HSD17B13: variants seen among roughly 807,000 people sequenced by gnomAD.
The protein encoded by HSD17B13 is hydroxysteroid 17-beta dehydrogenase 13.
Under a neutral mutation model 31.1 loss-of-function variants are expected in HSD17B13, and 26 were observed. That is an observed-to-expected ratio of 0.84 (90% CI 0.61 to 1.16). The LOEUF is 1.16. Ranked by LOEUF, HSD17B13 falls within the 50% of genes most tolerant of loss-of-function variation. The pLI is 0.00. For missense variants in HSD17B13, 374 were observed against 366.5 expected (o/e 1.02, Z -0.17); for synonymous variants, 141 against 133.7 (o/e 1.05, Z -0.38).
chr4:87,318,877 C>T (rs531470256), intron 1 of HSD17B13, among the ~76,000 whole-genome samples: 1 of 149,414 alleles, frequency 6.7e-6, no homozygotes, highest in Non-Finnish European at 1.5e-5. Flanking sequence ...GATTAGTTAA[C>T]CTTTTAAAAA....
Position 87,317,208 on chromosome 4 carries a change from C to G in HSD17B13, c.334G>C (p.Gly112Arg). ...TTATTCACCACGATTGTTACATCAC[C>G]CACTTCTTTCTTCACCTTTTGAAAT... ...RSLNQVKKEV[G>R]DVTIVVNNAG... The change falls in exon 3 of 7, where the codon GGT becomes CGT. Residue 112 changes from glycine to arginine, a missense_variant. Transcript: ENST00000328546. 1 of 1,614,036 alleles carries G rather than the reference C, an allele frequency of 6.2e-7. No individual in the cohort carries two copies. Among genetic ancestry groups the G allele is most frequent in the Non-Finnish European group, 8.5e-7 (1 of 1,179,946 alleles).
At chr4:87,309,255 G>A (rs938882869) in intron 6 of HSD17B13, among the ~76,000 whole-genome samples, 1 of 151,204 alleles carries the variant, frequency 6.6e-6, no homozygotes, top group Non-Finnish European at 1.5e-5. Context: ...GAGGGGGCAG[G>A]TGCCTGTAAT....
At chr4:87,310,413 T>C in intron 5 of HSD17B13, 54 bp from the exon 6 acceptor site, 1 of 1,282,610 alleles carries the variant, frequency 7.8e-7, no homozygotes, top group Non-Finnish European at 1.0e-6. Context: ...TTTAATTTTA[T>C]AAGTAAATGA....
At chr4:87,312,080 T>C (rs1340200807) in intron 5 of HSD17B13, among the ~76,000 whole-genome samples, 1 of 152,104 alleles carries the variant, frequency 6.6e-6, no homozygotes, top group Non-Finnish European at 1.5e-5. Context: ...CCATTATCCT[T>C]ACTCCCCTCA....
At chr4:87,309,813 A>G (rs749934976) in intron 6 of HSD17B13, among the ~76,000 whole-genome samples, 22 of 152,176 alleles carry the variant, frequency 1.4e-4, no homozygotes, top group Non-Finnish European at 2.4e-4. Context: ...TGTTCTCCCC[A>G]GGGATGGAGA....
chr4:87,317,530 T>C (rs566327090), intron 2 of HSD17B13, among the ~76,000 whole-genome samples: 280 of 150,594 alleles, frequency 1.9e-3, no homozygotes, highest in African/African-American at 6.5e-3. Context: ...ATTTTTAAAG[T>C]GTTCATTTTT....
At chr4:87,318,564 C>T in intron 1 of HSD17B13, 128 bp from the exon 2 acceptor site, 2 of 680,604 alleles carry the variant, frequency 2.9e-6, no homozygotes, top group Non-Finnish European at 5.2e-6. Flanking sequence ...CTTTGGTTGG[C>T]CGAGGAGGGC....
intron 6 of HSD17B13, among the ~76,000 whole-genome samples, chr4:87,309,846 C>A (rs6531973): frequency 0.18 from 27,669 of 152,024 alleles, 2,689 homozygotes; most frequent in Non-Finnish European, 0.21. Flanking sequence ...ATTTTCACAA[C>A]TGAAAGATGC....
intron 6 of HSD17B13, among the ~76,000 whole-genome samples, chr4:87,307,477 G>C (rs1490440281): frequency 6.6e-6 from 1 of 152,114 alleles, no homozygotes; most frequent in Non-Finnish European, 1.5e-5. Context: ...TTAGTACCAA[G>C]ACACTAATTT....
chr4:87,316,212 C>G (rs1183843463), intron 3 of HSD17B13, among the ~76,000 whole-genome samples: 1 of 152,142 alleles, frequency 6.6e-6, no homozygotes, highest in African/African-American at 2.4e-5. Context: ...ATTCATAGAA[C>G]TAGAACTCCC....
At chr4:87,322,350 G>T (rs57806008) in intron 1 of HSD17B13, among the ~76,000 whole-genome samples, 8,972 of 152,210 alleles carry the variant, frequency 0.059, 851 homozygotes, top group African/African-American at 0.2. Context: ...AAGAAAACAG[G>T]CTGAGAGATA....
At chr4:87,315,435 G>A (rs1406888513) in intron 4 of HSD17B13, 58 bp downstream of exon 4, 20 of 981,294 alleles carry the variant, frequency 2.0e-5, no homozygotes, top group Non-Finnish European at 3.1e-6. Context: ...ACAATTTGAA[G>A]TGTAATGCTC....
intron 1 of HSD17B13, among the ~76,000 whole-genome samples, chr4:87,321,838 A>G (rs1485120450): frequency 2.0e-5 from 3 of 152,248 alleles, no homozygotes. Flanking sequence ...AATTTGCAGA[A>G]AATGTGATTC....
chr4:87,309,977 T>C (rs951151183), intron 6 of HSD17B13, among the ~76,000 whole-genome samples: 1 of 151,982 alleles, frequency 6.6e-6, no homozygotes. Flanking sequence ...CTGGCCAACA[T>C]GGGGAAACCT....
intron 6 of HSD17B13, among the ~76,000 whole-genome samples, chr4:87,307,797 G>A (rs1225162245): frequency 6.6e-6 from 1 of 152,034 alleles, no homozygotes; most frequent in African/African-American, 2.4e-5. Context: ...CACCACACCC[G>A]GCCTAGTCAA....
chr4:87,312,922 T>G (rs1302633180), intron 5 of HSD17B13, among the ~76,000 whole-genome samples: 1 of 150,956 alleles, frequency 6.6e-6, no homozygotes, highest in Non-Finnish European at 1.5e-5. Context: ...TAGCCAGGCG[T>G]GGTGGTGGGC....
chr4:87,320,524 C>T (rs1310277781), intron 1 of HSD17B13, among the ~76,000 whole-genome samples: 1 of 150,822 alleles, frequency 6.6e-6, no homozygotes, highest in Non-Finnish European at 1.5e-5. Context: ...GTAGCTGGGA[C>T]TACAGGCGCC....
chr4:87,320,448 G>A (rs1734758495), intron 1 of HSD17B13, among the ~76,000 whole-genome samples: 1 of 145,296 alleles, frequency 6.9e-6, no homozygotes, highest in Admixed American at 7.0e-5. Context: ...GTGCAGTGGC[G>A]TCATCTCGGC....
At chr4:87,318,796 T>C (rs1348258576) in intron 1 of HSD17B13, among the ~76,000 whole-genome samples, 9 of 86,928 alleles carry the variant, frequency 1.0e-4, no homozygotes, top group Admixed American at 1.3e-4. Context: ...AGACTCTGTC[T>C]CAAAAAAAAA....
Sources: gnomAD v4.1 joint callset for allele counts (sites outside exome capture counted in the v4.1 genomes callset) on GRCh38, gnomAD v4.1.1 for gene constraint, MANE v1.5 for transcripts, NCBI Gene and HGNC (gene_info 2026-07-23, HGNC 2026-07-21) for gene names.